PPP3R1: variants seen among roughly 807,000 people sequenced by gnomAD.
PPP3R1 encodes protein phosphatase 3 regulatory subunit B, alpha.
Under a neutral mutation model 22.6 loss-of-function variants are expected in PPP3R1, and 5 were observed. The observed-to-expected ratio is 0.22, with a 90% confidence interval of 0.12 to 0.46. The LOEUF (loss-of-function observed/expected upper bound fraction) is 0.46, where lower values mean the gene tolerates loss of function less well. Ranked by LOEUF, PPP3R1 falls within the 20% of genes least tolerant of loss-of-function variation. PPP3R1 has a pLI of 0.99. For synonymous variants in PPP3R1, 56 were observed against 65.2 expected (o/e 0.86, Z 0.68); for missense variants, 61 against 203.2 (o/e 0.30, Z 4.25).
rs372298850 is a variant in PPP3R1 at position 68,252,095 on chromosome 2, G to A, written c.3+30C>T. ...CCCGGACGGCGGCAGTAGGGGGAGG[G>A]ATGGTGCATCGAGGAAGCCAAGGTC... On this transcript the variant is annotated intron_variant, in intron 1 of 5. Coordinates refer to ENST00000234310, the MANE Select transcript of PPP3R1 (RefSeq NM_000945.4). 710 of 1,423,616 alleles carry A rather than the reference G, an allele frequency of 5.0e-4. 2 individuals carry two copies. Among genetic ancestry groups the A allele is most frequent in the Non-Finnish European group, 6.5e-4 (689 of 1,067,340 alleles). 88.2% of individuals were successfully genotyped at this position (1,423,616 alleles called of 1,614,324 possible). A position where few individuals can be genotyped will look rare whatever the true frequency, so the allele number is the denominator to read the frequency against.
At chr2:68,233,818 CA>C (rs1247650926) in intron 1 of PPP3R1, among the ~76,000 whole-genome samples, 1 of 152,020 alleles carries the variant, frequency 6.6e-6, no homozygotes, top group African/African-American at 2.4e-5. Context: ...GTTGCTTTAT[CA>C]AGTTTCAAAA....
At chr2:68,231,175 T>C (rs1429369216) in intron 1 of PPP3R1, among the ~76,000 whole-genome samples, 1 of 152,190 alleles carries the variant, frequency 6.6e-6, no homozygotes, top group African/African-American at 2.4e-5. Context: ...ATTTTTTTTT[T>C]CAGTCTGTTT....
At chr2:68,212,088 GT>G (rs1241644340) in intron 2 of PPP3R1, among the ~76,000 whole-genome samples, 1 of 151,264 alleles carries the variant, frequency 6.6e-6, no homozygotes, top group Non-Finnish European at 1.5e-5. Context: ...CGGTTTGTTT[GT>G]TTTTTTTTGG....
chr2:68,195,289 G>C (rs1192344194), intron 2 of PPP3R1, among the ~76,000 whole-genome samples: 3 of 152,058 alleles, frequency 2.0e-5, no homozygotes, highest in Non-Finnish European at 2.9e-5. Context: ...CCCTCAGTTT[G>C]AGCTTCCTGT....
In PPP3R1 at chr2:68,229,625, T is replaced by C. The variant is rs535218764; in HGVS notation, c.4-12494A>G. Among the ~76,000 whole-genome samples, 10 of 152,288 alleles carry C rather than the reference T, an allele frequency of 6.6e-5. No individual in the cohort carries two copies. In the South Asian group the frequency reaches 2.1e-3, roughly 32 times the overall value. ...TCTTCTTAGTGGATTGATTAACCCT[T>C]TTATCATATAATGCCTAGTCACTGT... On this transcript the variant is annotated intron_variant, in intron 1 of 5. Transcript: ENST00000234310.
rs186862990 is a variant in PPP3R1, at chr2:68,243,504, G to A, written c.3+8621C>T. Among the ~76,000 whole-genome samples the A allele has an allele frequency of 3.9e-5, 6 of 152,136 alleles. No individual in the cohort carries two copies. In the South Asian group the frequency reaches 1.0e-3, roughly 26 times the overall value. ...CAATCAAGCTTGAGTTAAAAAAGAC[G>A]CTTTATCCATTATACTTCAGAAGCT... On this transcript the variant is annotated intron_variant, in intron 1 of 5. Transcript: ENST00000234310.
intron 1 of PPP3R1, among the ~76,000 whole-genome samples, chr2:68,233,079 T>TCTCGCG (rs1379449681): frequency 3.9e-5 from 6 of 152,204 alleles, no homozygotes; most frequent in African/African-American, 1.4e-4. Flanking sequence ...TTATTCTGAG[T>TCTCGCG]CTCTCTCTTG....
At chr2:68,228,615 A>C (rs78447133) in intron 1 of PPP3R1, among the ~76,000 whole-genome samples, 1,843 of 152,068 alleles carry the variant, frequency 0.012, 31 homozygotes, top group African/African-American at 0.042. Flanking sequence ...TTTGTTTCAA[A>C]GGGTTTTTCT....
chr2:68,189,783 C>T (rs113423765), intron 2 of PPP3R1, among the ~76,000 whole-genome samples: 5,784 of 152,146 alleles, frequency 0.038, 332 homozygotes, highest in African/African-American at 0.13. Flanking sequence ...GCAGGAGAAT[C>T]GCTTGAACCC....
intron 2 of PPP3R1, among the ~76,000 whole-genome samples, chr2:68,191,121 A>T (rs1280098796): frequency 3.9e-5 from 6 of 152,206 alleles, no homozygotes; most frequent in African/African-American, 1.4e-4. Flanking sequence ...ACTGCTGCAA[A>T]CACCAAAATA....
intron 2 of PPP3R1, among the ~76,000 whole-genome samples, chr2:68,191,218 T>C (rs981615574): frequency 1.3e-5 from 2 of 152,070 alleles, no homozygotes; most frequent in Non-Finnish European, 2.9e-5. Context: ...AACATCAGAG[T>C]GTACTTACAC....
At chr2:68,223,639 T>C (rs533941801) in intron 1 of PPP3R1, among the ~76,000 whole-genome samples, 3 of 151,832 alleles carry the variant, frequency 2.0e-5, no homozygotes, top group Non-Finnish European at 4.4e-5. Flanking sequence ...ATCTGACAAA[T>C]TGCAACATCC....
intron 1 of PPP3R1, among the ~76,000 whole-genome samples, chr2:68,229,882 G>C (rs1189536878): frequency 6.6e-6 from 1 of 151,588 alleles, no homozygotes; most frequent in Non-Finnish European, 1.5e-5. Context: ...GTGTATGTAT[G>C]TGTGTATATA....
At chr2:68,242,545 A>T (rs538271199) in intron 1 of PPP3R1, among the ~76,000 whole-genome samples, 2 of 152,352 alleles carry the variant, frequency 1.3e-5, no homozygotes, top group East Asian at 3.9e-4. Context: ...TCCTCTGATT[A>T]TAAGTTCACT....
intron 2 of PPP3R1, among the ~76,000 whole-genome samples, chr2:68,197,890 G>A (rs184908341): frequency 6.7e-4 from 102 of 151,236 alleles, no homozygotes; most frequent in Middle Eastern, 6.8e-3. Flanking sequence ...CCTTGATCAT[G>A]AAGATTTTCT....
intron 2 of PPP3R1, among the ~76,000 whole-genome samples, chr2:68,195,946 T>C (rs574458170): frequency 6.6e-6 from 1 of 152,000 alleles, no homozygotes; most frequent in South Asian, 2.1e-4. Context: ...TCAAGGCTTA[T>C]CCCAACTATA....
At chr2:68,218,466 G>A (rs1403567817) in intron 1 of PPP3R1, among the ~76,000 whole-genome samples, 1 of 152,098 alleles carries the variant, frequency 6.6e-6, no homozygotes, top group African/African-American at 2.4e-5. Context: ...ATGTTAAAGT[G>A]AGGATAAAAG....
intron 2 of PPP3R1, among the ~76,000 whole-genome samples, chr2:68,190,255 TAAAAA>T (rs34117344): frequency 4.0e-5 from 1 of 25,118 alleles, no homozygotes; most frequent in Non-Finnish European, 8.4e-5. Flanking sequence ...AAGTTTCTCT[TAAAAA>T]AAAAAAAAAA....
At chr2:68,240,792 TCTTTTAGG>T (rs930432140) in intron 1 of PPP3R1, among the ~76,000 whole-genome samples, 2 of 152,052 alleles carry the variant, frequency 1.3e-5, no homozygotes, top group Non-Finnish European at 2.9e-5. Flanking sequence ...ATTCATGGAG[TCTTTTAGG>T]CTATGTTGAA....
Sources: allele counts gnomAD v4.1 joint callset (sites outside exome capture counted in the v4.1 genomes callset), GRCh38; gene constraint gnomAD v4.1.1; transcripts MANE v1.5; gene names NCBI Gene and HGNC (gene_info 2026-07-23, HGNC 2026-07-21).